ARHGAP11B: variants seen among roughly 807,000 people sequenced by gnomAD.
ARHGAP11B encodes the protein inactive Rho GTPase-activating protein 11B.
In ARHGAP11B, 14 loss-of-function variants were observed where a neutral mutation model predicts 27.6. The observed-to-expected ratio is 0.51, with a 90% CI of 0.34 to 0.79. ARHGAP11B has a LOEUF of 0.79. Ranked by LOEUF, ARHGAP11B falls within the 30% of genes least tolerant of loss-of-function variation. The pLI is 0.02. For synonymous variants in ARHGAP11B, 82 were observed against 114.1 expected (o/e 0.72, Z 1.80); for missense variants, 245 against 320.1 (o/e 0.77, Z 1.79).
intron 3 of ARHGAP11B, 132 bp from the exon 4 acceptor site, chr15:30,634,038 G>A (rs1235166911): frequency 1.6e-5 from 10 of 616,966 alleles, no homozygotes; most frequent in Non-Finnish European, 2.0e-5. Context: ...AAATAAAGTA[G>A]TGACATATAT....
intron 7 of ARHGAP11B, among the ~76,000 whole-genome samples, chr15:30,643,385 T>G (rs1263114938): frequency 2.6e-5 from 4 of 151,762 alleles, no homozygotes; most frequent in Non-Finnish European, 5.9e-5. Context: ...TTCAAGCTAT[T>G]CTCCTGCCTC....
At chr15:30,630,802 G>A (rs539675609) in intron 2 of ARHGAP11B, 29 bp downstream of exon 2, 7 of 1,603,738 alleles carry the variant, frequency 4.4e-6, no homozygotes, top group African/African-American at 1.3e-5. Flanking sequence ...GAAGAAGGCC[G>A]GGTGCAGTGG....
chr15:30,626,738 G>C, exon 1 of ARHGAP11B: 1 of 1,516,418 alleles, frequency 6.6e-7, no homozygotes, highest in Non-Finnish European at 8.8e-7. Context: ...GTTCAAATTT[G>C]AGAGCGTTTG....
chr15:30,645,651 G>T (rs147707549), intron 8 of ARHGAP11B, among the ~76,000 whole-genome samples: 6 of 151,910 alleles, frequency 3.9e-5, no homozygotes, highest in African/African-American at 1.4e-4. Context: ...TTTGTATAGG[G>T]ATTTGGAGCT....
Position 30,641,497 on chromosome 15 carries a change from G to A in ARHGAP11B, c.*78+2677G>A, listed in dbSNP as rs900687092. On this transcript the variant is annotated intron_variant, in intron 7 of 10. Transcript: ENST00000428041. ...ATTATAGGTGGCCACCACCACACCT[G>A]GCTAATTTTCTTTTGCATTTTTAGT... 10 of 151,690 alleles carry A rather than the reference G, an allele frequency of 6.6e-5. No homozygotes were observed. The East Asian group carries it at 2.0e-3, about 30-fold the overall frequency. The allele number at this position is 151,690 out of a possible 1,614,324, so 9.4% of individuals were successfully genotyped here. A position where few individuals can be genotyped will look rare whatever the true frequency, so the allele number is the denominator to read the frequency against.
chr15:30,627,022 T>C, intron 1 of ARHGAP11B, 73 bp downstream of exon 1: 1 of 1,593,302 alleles, frequency 6.3e-7, no homozygotes, highest in South Asian at 1.1e-5. Context: ...TAGCAGATCG[T>C]GCTAAAATGT....
At chr15:30,647,996 T>A (rs531376114) in intron 10 of ARHGAP11B, among the ~76,000 whole-genome samples, 4 of 152,138 alleles carry the variant, frequency 2.6e-5, no homozygotes, top group South Asian at 2.1e-4. Flanking sequence ...AAGGTCTCTC[T>A]CTATGTTGCC....
rs186580658 is a variant in ARHGAP11B, at chr15:30,639,947, A to G, written c.*78+1127A>G. On this transcript the variant is annotated intron_variant, in intron 7 of 10. Coordinates refer to ENST00000428041, the Ensembl canonical transcript of ARHGAP11B. The stretch of plus-strand genomic sequence containing the variant: ...ATTTTTATAAAACCCCCTGCCTTTT[A>G]AAATAGACAGTGTTTCAATATAGAG... Among the ~76,000 whole-genome samples the G allele has an allele frequency of 3.3e-5, 5 of 150,930 alleles. No individual in the cohort carries two copies. The East Asian group carries it at 9.7e-4, about 29-fold the overall frequency.
chr15:30,640,269 A>C (rs2060307639), intron 7 of ARHGAP11B, among the ~76,000 whole-genome samples: 1 of 116,480 alleles, frequency 8.6e-6, no homozygotes, highest in Non-Finnish European at 1.8e-5. Context: ...AAAGTTTTAG[A>C]CTCAAGTACC....
chr15:30,626,683 G>C lies in ARHGAP11B; in HGVS notation c.-138G>C, dbSNP rs575988559. On this transcript the variant is annotated 5_prime_UTR_variant, in exon 1 of 11. Coordinates refer to ENST00000428041, the Ensembl canonical transcript of ARHGAP11B. Reference sequence around the variant, plus strand: ...AAAGCCGTGGAAGTGGCCGGGGGTCGGGGCCGCAGAAGTGCCAGACGGGGC... The same window carrying C: ...AAAGCCGTGGAAGTGGCCGGGGGTCCGGGCCGCAGAAGTGCCAGACGGGGC... 1.7e-3 allele frequency: 2,203 copies of C among 1,292,064 alleles called. 6 individuals are homozygous for C. Among genetic ancestry groups the C allele is most frequent in the Non-Finnish European group, 2.1e-3 (2,038 of 953,014 alleles). 80.0% of individuals were successfully genotyped at this position (1,292,064 alleles called of 1,614,324 possible).
intron 6 of ARHGAP11B, among the ~76,000 whole-genome samples, chr15:30,637,450 C>T (rs535338692): frequency 5.3e-5 from 8 of 152,214 alleles, no homozygotes; most frequent in Non-Finnish European, 1.0e-4. Flanking sequence ...TAAGAATCTT[C>T]TTGGCCGGGT....
intron 2 of ARHGAP11B, among the ~76,000 whole-genome samples, chr15:30,631,670 G>C (rs1472767253): frequency 6.6e-6 from 1 of 152,148 alleles, no homozygotes; most frequent in African/African-American, 2.4e-5. Context: ...CCTGTCTCTT[G>C]AAAACAAATA....
rs1176554203 is a variant in ARHGAP11B at position 30,646,185 on chromosome 15, T to G, written c.*214T>G. On this transcript the variant is annotated 3_prime_UTR_variant, in exon 9 of 11. Coordinates refer to ENST00000428041, the Ensembl canonical transcript of ARHGAP11B. Reference sequence around the variant, plus strand: ...GTAACAAGTGTGCTCGCAGATCGACTCCAGTGAGAAGAGCTCGGGGACCTC... The same window carrying G: ...GTAACAAGTGTGCTCGCAGATCGACGCCAGTGAGAAGAGCTCGGGGACCTC... The G allele has an allele frequency of 2.3e-5, 25 of 1,072,060 alleles. No individual in the cohort carries two copies. The South Asian group carries it at 3.3e-4, about 14-fold the overall frequency. The allele number at this position is 1,072,060 out of a possible 1,614,324, so 66.4% of individuals were successfully genotyped here. A position where few individuals can be genotyped will look rare whatever the true frequency, so the allele number is the denominator to read the frequency against.
chr15:30,634,094 A>G, intron 3 of ARHGAP11B, 76 bp from the exon 4 acceptor site: 1 of 1,583,462 alleles, frequency 6.3e-7, no homozygotes, highest in Non-Finnish European at 8.6e-7. Flanking sequence ...GTGTAATTAG[A>G]GTATAACAAA....
At chr15:30,640,013 T>TGTGTGTGTG (rs1555524490) in intron 7 of ARHGAP11B, among the ~76,000 whole-genome samples, 7 of 146,446 alleles carry the variant, frequency 4.8e-5, no homozygotes, top group South Asian at 2.2e-4. Flanking sequence ...TGTGTGTGTG[T>TGTGTGTGTG]TATGACAACA....
intron 1 of ARHGAP11B, among the ~76,000 whole-genome samples, chr15:30,628,962 A>T (rs1595670121): frequency 6.6e-6 from 1 of 152,066 alleles, no homozygotes; most frequent in Admixed American, 6.6e-5. Flanking sequence ...TTATTTTTAC[A>T]TTTGGTTTGG....
At chr15:30,631,248 A>G (rs2060243290) in intron 2 of ARHGAP11B, among the ~76,000 whole-genome samples, 1 of 151,768 alleles carries the variant, frequency 6.6e-6, no homozygotes, top group Admixed American at 6.6e-5. Flanking sequence ...TAGAAATCAC[A>G]AAAAATTTTT....
At chr15:30,646,033 G>A (rs539092564) in intron 8 of ARHGAP11B, 8 of 269,638 alleles carry the variant, frequency 3.0e-5, no homozygotes, top group East Asian at 1.3e-4. Flanking sequence ...CTTAGTTGTC[G>A]TAATTCTGTG....
At position 30,631,404 on chromosome 15, in the gene ARHGAP11B, A is replaced by G. The variant is rs2060244374; in HGVS notation, c.200+631A>G. Among the ~76,000 whole-genome samples the G allele has an allele frequency of 2.0e-5, 3 of 152,054 alleles. No individual in the cohort carries two copies. In the South Asian group the frequency reaches 6.2e-4, roughly 31 times the overall value. ...TGGCCAGGCACAGTAGCTCATGCCT[A>G]TAATCCCAGCATTTTGAGGGCCGAG... On this transcript the variant is annotated intron_variant, in intron 2 of 10. Transcript: ENST00000428041.
Sources: allele counts gnomAD v4.1 joint callset (sites outside exome capture counted in the v4.1 genomes callset), GRCh38; gene constraint gnomAD v4.1.1; transcripts MANE v1.5; gene names NCBI Gene and HGNC (gene_info 2026-07-23, HGNC 2026-07-21).